Variants in GREB1L observed in about 807,000 individuals in gnomAD.
GREB1L encodes the protein GREB1 like retinoic acid receptor coactivator, also known as GREB1-like protein.
A neutral mutation model predicts 200.8 loss-of-function variants in GREB1L; 17 were observed. The ratio of observed to expected loss-of-function variants is 0.08; its 90% CI spans 0.06 to 0.13. GREB1L has a LOEUF of 0.13. Ranked by LOEUF, GREB1L falls within the 10% of genes least tolerant of loss-of-function variation. The pLI is 1.00. For synonymous variants in GREB1L, 789 were observed against 893.0 expected, an observed-to-expected ratio of 0.88 and a Z score of 2.08; for missense variants, 1,657 against 2,367.7, an observed-to-expected ratio of 0.70 and a Z score of 6.23.
At chr18:21,429,344 T>C (rs546274571) in intron 7 of GREB1L, among the ~76,000 whole-genome samples, 1 of 144,960 alleles carries the variant, frequency 6.9e-6, no homozygotes, top group South Asian at 2.4e-4. Flanking sequence ...TTCTTTTCCT[T>C]TCTTCCTTTT....
chr18:21,252,782 C>T (rs1251210651), intron 1 of GREB1L, among the ~76,000 whole-genome samples: 6 of 151,946 alleles, frequency 3.9e-5, no homozygotes, highest in Non-Finnish European at 8.8e-5. Flanking sequence ...GCATGAGAAT[C>T]GCTTGAACCC....
intron 11 of GREB1L, among the ~76,000 whole-genome samples, 157 bp downstream of exon 11, chr18:21,444,566 C>T (rs951249267): frequency 6.6e-6 from 1 of 152,004 alleles, no homozygotes; most frequent in African/African-American, 2.4e-5. Flanking sequence ...GTAACTTTTC[C>T]CTTTCCTCTC....
chr18:21,325,392 G>T (rs909077227), intron 1 of GREB1L, among the ~76,000 whole-genome samples: 2 of 152,104 alleles, frequency 1.3e-5, no homozygotes, highest in Non-Finnish European at 2.9e-5. Context: ...TTCTATGCTC[G>T]AATCCAACAG....
chr18:21,490,653 A>G (rs1216356392), intron 19 of GREB1L, among the ~76,000 whole-genome samples: 2 of 152,152 alleles, frequency 1.3e-5, no homozygotes, highest in African/African-American at 2.4e-5. Context: ...TTCAAGATGC[A>G]TGTAGCCCAT....
At chr18:21,428,863 G>C (rs914993715) in intron 7 of GREB1L, among the ~76,000 whole-genome samples, 3 of 151,684 alleles carry the variant, frequency 2.0e-5, no homozygotes, top group Non-Finnish European at 4.4e-5. Flanking sequence ...GATTACAGGT[G>C]CCCGCCATCA....
chr18:21,409,841 G>A (rs1181111477), intron 7 of GREB1L, among the ~76,000 whole-genome samples: 1 of 152,116 alleles, frequency 6.6e-6, no homozygotes, highest in African/African-American at 2.4e-5. Context: ...ATCTTTGTGA[G>A]GAATGACTTA....
chr18:21,258,798 T>G (rs536665372), intron 1 of GREB1L, among the ~76,000 whole-genome samples: 1 of 152,340 alleles, frequency 6.6e-6, no homozygotes, highest in South Asian at 2.1e-4. Flanking sequence ...CAAATTTACT[T>G]ACTTACAAAT....
At chr18:21,244,567 C>T (rs2037564815) in intron 1 of GREB1L, among the ~76,000 whole-genome samples, 1 of 152,016 alleles carries the variant, frequency 6.6e-6, no homozygotes, top group Admixed American at 6.6e-5. Context: ...CAGAGTTCTA[C>T]GATTAAAATA....
chr18:21,375,877 CCACCACCACCAT>C (rs1356122377), intron 2 of GREB1L, among the ~76,000 whole-genome samples: 3 of 152,052 alleles, frequency 2.0e-5, no homozygotes, highest in Admixed American at 6.6e-5. Flanking sequence ...ATAACTACCA[CCACCACCACCAT>C]CACCACCACC....
intron 1 of GREB1L, among the ~76,000 whole-genome samples, chr18:21,313,452 TG>T (rs1302657196): frequency 6.6e-6 from 1 of 152,204 alleles, no homozygotes; most frequent in Non-Finnish European, 1.5e-5. Flanking sequence ...GCAAGGTCAC[TG>T]GTATTGTCAG....
intron 7 of GREB1L, among the ~76,000 whole-genome samples, chr18:21,409,056 C>T (rs777263021): frequency 6.6e-6 from 1 of 152,162 alleles, no homozygotes; most frequent in Non-Finnish European, 1.5e-5. Flanking sequence ...TATATGTTCT[C>T]ATAAAAACTT....
At chr18:21,477,785 CAAAAA>C (rs560513738) in intron 17 of GREB1L, among the ~76,000 whole-genome samples, 1 of 107,642 alleles carries the variant, frequency 9.3e-6, no homozygotes, top group Non-Finnish European at 2.1e-5. Flanking sequence ...GACTCCGTCT[CAAAAA>C]AAAAAAAAAC....
At chr18:21,313,872 C>G (rs2038828541) in intron 1 of GREB1L, among the ~76,000 whole-genome samples, 1 of 152,206 alleles carries the variant, frequency 6.6e-6, no homozygotes, top group Admixed American at 6.5e-5. Context: ...GTTTCCTCAT[C>G]TTTACAAAGA....
At chr18:21,361,357 G>A (rs530193171) in intron 1 of GREB1L, among the ~76,000 whole-genome samples, 24 of 152,264 alleles carry the variant, frequency 1.6e-4, no homozygotes, top group Admixed American at 4.6e-4. Flanking sequence ...CTGAGAAAAT[G>A]TACCCAAATC....
chr18:21,444,229 G>A lies in GREB1L; in HGVS notation c.1213G>A (p.Gly405Ser), dbSNP rs1328249791. The stretch of plus-strand genomic sequence containing the variant: ...ACCTGCTTCTATTGGGACAGGCTAT[G>A]GCACTTTACCCTATTTCTATGGAAA... Reference protein sequence around the residue: ...GVRPVILIGYGTLPYFYGNVG... With the variant: ...GVRPVILIGYSTLPYFYGNVG... Residue 405 changes from glycine to serine, a missense_variant, in exon 11 of 33, where the codon GGC becomes AGC. Physicochemically the swap from Gly to Ser is moderately conservative, Grantham distance 56. Around this residue, in one of 9 missense-constraint regions of GREB1L, gnomAD observed 289 missense variants for 345.1 expected, o/e 0.84. Coordinates refer to ENST00000424526, the MANE Select transcript of GREB1L (RefSeq NM_001142966.3). 5 of 1,549,918 alleles carry A rather than the reference G, an allele frequency of 3.2e-6. No individual in the cohort carries two copies. In the African/African-American group the frequency reaches 5.5e-5, roughly 17 times the overall value.
At chr18:21,253,174 T>C (rs1015268576) in intron 1 of GREB1L, among the ~76,000 whole-genome samples, 1 of 152,152 alleles carries the variant, frequency 6.6e-6, no homozygotes, top group Non-Finnish European at 1.5e-5. Context: ...GCATGTTTTC[T>C]GGTTTACCAT....
intron 25 of GREB1L, among the ~76,000 whole-genome samples, chr18:21,507,030 C>A (rs2037045429): frequency 6.6e-6 from 1 of 152,194 alleles, no homozygotes; most frequent in Admixed American, 6.5e-5. Flanking sequence ...TCCCACATCT[C>A]ATCCTGAAAT....
chr18:21,507,837 C>T (rs969980135), intron 25 of GREB1L, among the ~76,000 whole-genome samples: 4 of 152,220 alleles, frequency 2.6e-5, no homozygotes, highest in Admixed American at 2.6e-4. Flanking sequence ...GATGAAGCAG[C>T]TGTGGCTCTG....
intron 2 of GREB1L, among the ~76,000 whole-genome samples, chr18:21,369,484 C>CA (rs200570789): frequency 0.012 from 1,758 of 152,160 alleles, 14 homozygotes; most frequent in Middle Eastern, 0.089. Flanking sequence ...TCTGGCATTT[C>CA]AAGGAAAAGT....
Sources: gnomAD v4.1 joint callset for allele counts (sites outside exome capture counted in the v4.1 genomes callset) on GRCh38, gnomAD v4.1.1 for gene constraint, gnomAD v4.1.1 regional missense constraint, MANE v1.5 for transcripts, NCBI Gene and HGNC (gene_info 2026-07-23, HGNC 2026-07-21) for gene names.